Variants in ZCCHC8 observed in about 807,000 individuals in gnomAD.
ZCCHC8 encodes zinc finger CCHC domain-containing protein 8.
ZCCHC8 carries 27 observed loss-of-function variants against 70.6 expected under a neutral mutation model. The observed-to-expected ratio is 0.38, with a 90% CI of 0.28 to 0.53. The LOEUF is 0.53. Among genes scored for constraint, ZCCHC8 ranks in the 20% least tolerant of loss-of-function variants. The pLI, the probability that ZCCHC8 is intolerant of heterozygous loss-of-function variation, is 0.81. For synonymous variants in ZCCHC8, 293 were observed against 317.4 expected, an observed-to-expected ratio of 0.92 and a Z score of 0.82; for missense variants, 737 against 876.9, an observed-to-expected ratio of 0.84 and a Z score of 2.01.
intron 11 of ZCCHC8, among the ~76,000 whole-genome samples, chr12:122,479,937 A>G (rs1018731044): frequency 3.3e-5 from 5 of 152,134 alleles, no homozygotes; most frequent in African/African-American, 7.2e-5. Flanking sequence ...CAGCCTCCCT[A>G]GTAGCCAGGA....
intron 7 of ZCCHC8, chr12:122,482,984 T>C: frequency 3.8e-6 from 2 of 522,354 alleles, no homozygotes; most frequent in South Asian, 5.7e-5. Flanking sequence ...ACATTGATCA[T>C]ATTTCCGTTA....
At chr12:122,482,215 G>T in intron 8 of ZCCHC8, 128 bp from the exon 9 acceptor site, 2 of 964,160 alleles carry the variant, frequency 2.1e-6, no homozygotes, top group Non-Finnish European at 2.9e-6. Context: ...ACGAACAAGT[G>T]TAAAAGAGGG....
In ZCCHC8 at chr12:122,490,453, T is replaced by G. The variant is rs763634324; in HGVS notation, c.423+9A>C. The G allele has an allele frequency of 1.9e-6, 3 of 1,604,986 alleles. No individual in the cohort carries two copies. The East Asian group carries it at 6.7e-5, about 36-fold the overall frequency. Reference sequence around the variant, plus strand: ...TTACTAATCTTAAAGTCTCTTAAATTTGAAATACCTGGGGCAAAAGATTAA... The same window carrying G: ...TTACTAATCTTAAAGTCTCTTAAATGTGAAATACCTGGGGCAAAAGATTAA... On this transcript the variant is annotated intron_variant, in intron 4 of 13. Coordinates refer to ENST00000633063, the MANE Select transcript of ZCCHC8 (RefSeq NM_017612.5).
Position 122,474,117 on chromosome 12 carries a change from G to C in ZCCHC8, c.1504C>G (p.Gln502Glu). ...TPPLTPSDSP[Q>E]TRTASGAVDE... is the part of the protein sequence containing the mutation. The stretch of plus-strand genomic sequence containing the variant: ...ACAGCTCCAGATGCTGTTCTGGTCT[G>C]GGGTGAGTCACTGGGAGTCAGCGGC... Residue 502 changes from glutamine (Q) to glutamate (E), a missense_variant, in exon 14 of 14, where the codon CAG becomes GAG. Transcript: ENST00000633063. 1.3e-6 allele frequency: 2 copies of C among 1,512,696 alleles called. No individual in the cohort carries two copies. The highest frequency in any genetic ancestry group is 1.8e-6 in the Non-Finnish European group (2 of 1,134,826). The allele number at this position is 1,512,696 out of a possible 1,614,324, so 93.7% of individuals were successfully genotyped here. A position where few individuals can be genotyped will look rare whatever the true frequency, so the allele number is the denominator to read the frequency against.
intron 13 of ZCCHC8, among the ~76,000 whole-genome samples, chr12:122,476,890 C>T (rs1195111927): frequency 4.6e-5 from 7 of 151,512 alleles, no homozygotes; most frequent in Non-Finnish European, 8.8e-5. Context: ...GGCGTGGTGG[C>T]GGGCACCTGT....
At chr12:122,496,547 C>T (rs1177897727) in intron 2 of ZCCHC8, among the ~76,000 whole-genome samples, 1 of 152,082 alleles carries the variant, frequency 6.6e-6, no homozygotes, top group African/African-American at 2.4e-5. Flanking sequence ...AAAATTATGA[C>T]TTTTATGAGG....
chr12:122,481,973 ATCTT>A lies in ZCCHC8; in HGVS notation c.843_846del (p.Glu281AspfsTer18). On this transcript the variant is annotated frameshift_variant, in exon 9 of 14. Transcript: ENST00000633063. LOFTEE classifies it high-confidence loss of function. ...ATAACTCCTGGCTTGAATCTTCCAAATCTTTCTTCTACTTCTTCTGCGTGGTATC... is the reference window on the plus strand; with the variant it reads ...ATAACTCCTGGCTTGAATCTTCCAAATCTTCTACTTCTTCTGCGTGGTATC... The A allele has an allele frequency of 1.2e-6, 2 of 1,613,098 alleles. No individual in the cohort carries two copies. Among genetic ancestry groups the A allele is most frequent in the Non-Finnish European group, 1.7e-6 (2 of 1,179,602 alleles).
intron 8 of ZCCHC8, 145 bp from the exon 9 acceptor site, chr12:122,482,232 T>C: frequency 1.2e-6 from 1 of 852,162 alleles, no homozygotes; most frequent in Non-Finnish European, 1.7e-6. Flanking sequence ...AGGGTGAATA[T>C]TTTAGAAAAA....
At chr12:122,496,592 T>G (rs1444750217) in intron 2 of ZCCHC8, among the ~76,000 whole-genome samples, 1 of 152,174 alleles carries the variant, frequency 6.6e-6, no homozygotes, top group African/African-American at 2.4e-5. Flanking sequence ...GAATACCTAA[T>G]CAAAATTTAG....
chr12:122,496,616 GC>G (rs1486638233), intron 2 of ZCCHC8, among the ~76,000 whole-genome samples: 1 of 151,922 alleles, frequency 6.6e-6, no homozygotes, highest in Non-Finnish European at 1.5e-5. Flanking sequence ...ATTTTATTAA[GC>G]CTCCCATGTA....
chr12:122,472,759 G>A lies in ZCCHC8; in HGVS notation c.*738C>T, dbSNP rs565454554. 1 of 152,360 alleles carries A rather than the reference G, an allele frequency of 6.6e-6. No individual in the cohort carries two copies. Among genetic ancestry groups the A allele is most frequent in the Non-Finnish European group, 1.5e-5 (1 of 68,116 alleles). 9.4% of individuals were successfully genotyped at this position (152,360 alleles called of 1,614,324 possible). A position where few individuals can be genotyped will look rare whatever the true frequency, so the allele number is the denominator to read the frequency against. ...GAATCGCTTAAACTCGGGAGGCGGA[G>A]GTTGCGGTGAGCCGAGATTGTGCCA... On this transcript the variant is annotated 3_prime_UTR_variant, in exon 14 of 14. Transcript: ENST00000633063.
chr12:122,473,442 A>C lies in ZCCHC8; in HGVS notation c.*55T>G. On this transcript the variant is annotated 3_prime_UTR_variant, in exon 14 of 14. Coordinates refer to ENST00000633063, the MANE Select transcript of ZCCHC8 (RefSeq NM_017612.5). ...AACCATTCTATCTATCCACTTAATTAGTACTAATTAACGGAACAAAGTTAT... is the reference window on the plus strand; with the variant it reads ...AACCATTCTATCTATCCACTTAATTCGTACTAATTAACGGAACAAAGTTAT... 1 of 1,535,446 alleles carries C rather than the reference A, an allele frequency of 6.5e-7. No homozygotes were observed. The highest frequency in any genetic ancestry group is 1.7e-4 in the Middle Eastern group (1 of 5,716).
intron 13 of ZCCHC8, among the ~76,000 whole-genome samples, chr12:122,475,477 A>C (rs1957401312): frequency 1.3e-5 from 2 of 152,188 alleles, no homozygotes; most frequent in African/African-American, 4.8e-5. Context: ...TCCTAAAATG[A>C]GGACTGTTTT....
At position 122,481,456 on chromosome 12, in the gene ZCCHC8, G is replaced by A. The variant is rs1463466114; in HGVS notation, c.1018+66C>T. The A allele has an allele frequency of 2.1e-5, 31 of 1,467,770 alleles. No individual in the cohort carries two copies. The East Asian group carries it at 6.7e-4, about 32-fold the overall frequency. The allele number at this position is 1,467,770 out of a possible 1,614,324, so 90.9% of individuals were successfully genotyped here. A position where few individuals can be genotyped will look rare whatever the true frequency, so the allele number is the denominator to read the frequency against. The stretch of plus-strand genomic sequence containing the variant: ...CCGGCCATTCCTATCACATTTTGTT[G>A]TGATTCTTTAATTAAAAAAAAAAAG... On this transcript the variant is annotated intron_variant, in intron 10 of 13. Coordinates refer to ENST00000633063, the MANE Select transcript of ZCCHC8 (RefSeq NM_017612.5).
chr12:122,481,413 T>TA, intron 10 of ZCCHC8, 109 bp downstream of exon 10: 8 of 1,336,044 alleles, frequency 6.0e-6, no homozygotes, highest in Non-Finnish European at 8.2e-6. Context: ...ATTTTTTAGT[T>TA]AGCACACATT....
intron 13 of ZCCHC8, among the ~76,000 whole-genome samples, chr12:122,476,623 A>G (rs995767629): frequency 6.6e-6 from 1 of 151,752 alleles, no homozygotes; most frequent in Non-Finnish European, 1.5e-5. Context: ...AAAACAAAAC[A>G]GAAATAGAGG....
At chr12:122,489,827 G>T (rs543043560) in intron 4 of ZCCHC8, among the ~76,000 whole-genome samples, 1 of 152,160 alleles carries the variant, frequency 6.6e-6, no homozygotes, top group African/African-American at 2.4e-5. Flanking sequence ...ATTGTTAAAT[G>T]TATTTTGTTT....
At chr12:122,493,567 G>A (rs1196358577) in intron 2 of ZCCHC8, among the ~76,000 whole-genome samples, 6 of 151,910 alleles carry the variant, frequency 3.9e-5, no homozygotes, top group East Asian at 1.9e-4. Flanking sequence ...GATTATAGGC[G>A]AGCGCCACCA....
Position 122,472,113 on chromosome 12 carries a change from T to G in ZCCHC8, c.*1384A>C, listed in dbSNP as rs1191688042. 6.6e-6 allele frequency: 1 copy of G among 152,184 alleles called. No individual in the cohort carries two copies. Among genetic ancestry groups the G allele is most frequent in the Non-Finnish European group, 1.5e-5 (1 of 68,042 alleles). The allele number at this position is 152,184 out of a possible 1,614,324, so 9.4% of individuals were successfully genotyped here. A position where few individuals can be genotyped will look rare whatever the true frequency, so the allele number is the denominator to read the frequency against. On this transcript the variant is annotated 3_prime_UTR_variant, in exon 14 of 14. Coordinates refer to ENST00000633063, the MANE Select transcript of ZCCHC8 (RefSeq NM_017612.5). ...ATTACTTTTCAAAAATTCTGCTGTT[T>G]CTATATTTAAGGCTGAAATCCACTG...
Sources: gnomAD v4.1 joint callset for allele counts (sites outside exome capture counted in the v4.1 genomes callset) on GRCh38, gnomAD v4.1.1 for gene constraint, MANE v1.5 for transcripts, NCBI Gene and HGNC (gene_info 2026-07-23, HGNC 2026-07-21) for gene names.